The following POU6F2 variants were observed in gnomAD, a reference collection of about 807,000 sequenced individuals.
POU6F2 encodes POU class 6 homeobox 2.
POU6F2 carries 31 observed loss-of-function variants against 71.3 expected under a neutral mutation model. That is an observed-to-expected ratio of 0.43 (90% CI 0.33 to 0.59). The LOEUF (loss-of-function observed/expected upper bound fraction) is 0.59, where lower values mean the gene tolerates loss of function less well. Among genes scored for constraint, POU6F2 ranks in the 20% least tolerant of loss-of-function variants. The probability of loss-of-function intolerance (pLI) is 0.04; values close to 1 mark genes in which losing one functional copy is unlikely to be tolerated. For synonymous variants in POU6F2, 347 were observed against 355.7 expected (o/e 0.98, Z 0.27); for missense variants, 783 against 856.8 (o/e 0.91, Z 1.07).
chr7:39,330,076 C>T (rs1785608334), intron 4 of POU6F2, among the ~76,000 whole-genome samples: 1 of 152,180 alleles, frequency 6.6e-6, no homozygotes, highest in African/African-American at 2.4e-5. Flanking sequence ...TCCTCTCCAC[C>T]CTCAGGATTA....
chr7:39,334,400 A>G (rs1391335991), intron 4 of POU6F2, among the ~76,000 whole-genome samples: 1 of 152,144 alleles, frequency 6.6e-6, no homozygotes, highest in Admixed American at 6.5e-5. Context: ...CTGGAGTACA[A>G]TGTTCAATAT....
intron 1 of POU6F2, among the ~76,000 whole-genome samples, chr7:39,048,810 C>T (rs1045192956): frequency 4.6e-5 from 7 of 151,866 alleles, no homozygotes; most frequent in Non-Finnish European, 5.9e-5. Context: ...GTGTATGAGC[C>T]GTCCCTTTTT....
intron 1 of POU6F2, among the ~76,000 whole-genome samples, chr7:38,993,616 A>ACG (rs1788661161): frequency 7.5e-6 from 1 of 133,068 alleles, no homozygotes; most frequent in Non-Finnish European, 1.6e-5. Context: ...TTTTAAACAC[A>ACG]CACACACACA....
chr7:39,223,308 A>G (rs977042440), intron 4 of POU6F2, among the ~76,000 whole-genome samples: 8 of 152,228 alleles, frequency 5.3e-5, no homozygotes, highest in African/African-American at 1.9e-4. Context: ...AATTGTAAAT[A>G]TCATCATTAC....
intron 4 of POU6F2, among the ~76,000 whole-genome samples, chr7:39,307,390 G>C (rs1218260879): frequency 6.6e-6 from 1 of 151,784 alleles, no homozygotes; most frequent in Non-Finnish European, 1.5e-5. Context: ...AGTTAGAAAG[G>C]CCATAAACAT....
chr7:39,155,618 C>G (rs766543237), intron 2 of POU6F2, among the ~76,000 whole-genome samples: 2 of 152,058 alleles, frequency 1.3e-5, no homozygotes, highest in Non-Finnish European at 2.9e-5. Context: ...TGTCTTAAAC[C>G]AGGTTCATGT....
intron 4 of POU6F2, among the ~76,000 whole-genome samples, chr7:39,304,099 T>G (rs757898677): frequency 6.6e-6 from 1 of 152,120 alleles, no homozygotes; most frequent in Non-Finnish European, 1.5e-5. Flanking sequence ...AAAGGAAAAT[T>G]TTCAATGATT....
At chr7:39,151,303 G>A (rs1225474939) in intron 2 of POU6F2, among the ~76,000 whole-genome samples, 1 of 152,184 alleles carries the variant, frequency 6.6e-6, no homozygotes, top group Non-Finnish European at 1.5e-5. Context: ...CACAGTAAAA[G>A]TGGTTTTACA....
At chr7:39,300,278 A>T (rs886770202) in intron 4 of POU6F2, among the ~76,000 whole-genome samples, 1 of 152,238 alleles carries the variant, frequency 6.6e-6, no homozygotes, top group Non-Finnish European at 1.5e-5. Flanking sequence ...GCCAGAATTC[A>T]GTTGTGTGGA....
At chr7:39,404,279 T>C (rs906012697) in intron 5 of POU6F2, among the ~76,000 whole-genome samples, 6 of 152,340 alleles carry the variant, frequency 3.9e-5, no homozygotes, top group African/African-American at 1.4e-4. Flanking sequence ...TTATCCTTTA[T>C]GCAATACCTG....
intron 7 of POU6F2, among the ~76,000 whole-genome samples, chr7:39,436,559 C>T (rs1451474275): frequency 1.3e-5 from 2 of 152,056 alleles, no homozygotes. Flanking sequence ...AAAATCATGT[C>T]GTCTGCAAGC....
At position 39,373,545 on chromosome 7, in the gene POU6F2, A is replaced by G. The variant is rs117328533; in HGVS notation, c.973-33055A>G. Reference sequence around the variant, plus strand: ...ATGGAAGAATTTGGTACTTCACTTCAGAAATGATTCAGAACCAAGCACACA... The same window carrying G: ...ATGGAAGAATTTGGTACTTCACTTCGGAAATGATTCAGAACCAAGCACACA... On this transcript the variant is annotated intron_variant, in intron 5 of 9. Transcript: ENST00000518318. The G allele has an allele frequency of 1.4e-4, 64 of 456,738 alleles. No homozygotes were observed. The East Asian group carries it at 4.1e-3, about 29-fold the overall frequency. The allele number at this position is 456,738 out of a possible 1,614,324, so 28.3% of individuals were successfully genotyped here. A position where few individuals can be genotyped will look rare whatever the true frequency, so the allele number is the denominator to read the frequency against.
At chr7:39,048,110 G>A (rs1442791073) in intron 1 of POU6F2, among the ~76,000 whole-genome samples, 1 of 151,960 alleles carries the variant, frequency 6.6e-6, no homozygotes, top group African/African-American at 2.4e-5. Context: ...ATTCATCAGT[G>A]AAGCTATCTA....
At chr7:39,234,305 G>A (rs1176965584) in intron 4 of POU6F2, among the ~76,000 whole-genome samples, 2 of 152,068 alleles carry the variant, frequency 1.3e-5, no homozygotes, top group African/African-American at 4.8e-5. Flanking sequence ...GCCTGGTTGA[G>A]CAGCTGTCAC....
chr7:39,124,048 C>CT (rs367553456), intron 2 of POU6F2, among the ~76,000 whole-genome samples: 74,967 of 129,834 alleles, frequency 0.58, 23,058 homozygotes, highest in African/African-American at 0.74. Context: ...TAGACTGGGC[C>CT]TTTTTTTTTT....
intron 2 of POU6F2, among the ~76,000 whole-genome samples, chr7:39,135,293 T>C (rs1416374403): frequency 6.6e-6 from 1 of 152,222 alleles, no homozygotes; most frequent in Non-Finnish European, 1.5e-5. Context: ...GGCACTGACC[T>C]AGGCAGAGGG....
chr7:39,011,441 GA>G (rs1366878207), intron 1 of POU6F2, among the ~76,000 whole-genome samples: 1 of 147,012 alleles, frequency 6.8e-6, no homozygotes, highest in East Asian at 2.1e-4. Context: ...TGGGTTTCCT[GA>G]ATACAGCACA....
intron 4 of POU6F2, among the ~76,000 whole-genome samples, chr7:39,224,491 G>A (rs773940624): frequency 1.3e-4 from 20 of 152,142 alleles, no homozygotes; most frequent in Non-Finnish European, 2.5e-4. Flanking sequence ...CAAGTCTTTG[G>A]AAATGAGGAT....
intron 4 of POU6F2, among the ~76,000 whole-genome samples, chr7:39,257,725 C>A (rs1203769132): frequency 6.6e-6 from 1 of 152,110 alleles, no homozygotes; most frequent in East Asian, 1.9e-4. Flanking sequence ...AAAGATAATA[C>A]TTATGCATTT....
Sources: allele counts gnomAD v4.1 joint callset (sites outside exome capture counted in the v4.1 genomes callset), GRCh38; gene constraint gnomAD v4.1.1; transcripts MANE v1.5; gene names NCBI Gene and HGNC (gene_info 2026-07-23, HGNC 2026-07-21).